Variants in ADAM12 observed in about 807,000 individuals in gnomAD.
The protein encoded by ADAM12 is ADAM metallopeptidase domain 12.
In ADAM12, 70 loss-of-function variants were observed where a neutral mutation model predicts 106.4. The observed-to-expected ratio is 0.66, with a 90% confidence interval of 0.54 to 0.80. ADAM12 has a LOEUF of 0.80. Ranked by LOEUF, ADAM12 falls within the 30% of genes least tolerant of loss-of-function variation. The pLI is 0.00. For missense variants in ADAM12, 1,010 were observed against 1,171.9 expected (o/e 0.86, Z 2.02); for synonymous variants, 420 against 433.5 (o/e 0.97, Z 0.39).
chr10:126,050,717 T>G (rs1954460440), intron 14 of ADAM12, among the ~76,000 whole-genome samples: 1 of 152,214 alleles, frequency 6.6e-6, no homozygotes, highest in Non-Finnish European at 1.5e-5. Flanking sequence ...TTCGTTAGCC[T>G]GCACCTGATC....
chr10:126,252,951 G>T (rs925383764), intron 3 of ADAM12, among the ~76,000 whole-genome samples: 5 of 152,058 alleles, frequency 3.3e-5, no homozygotes, highest in African/African-American at 4.8e-5. Flanking sequence ...CAACTTCATG[G>T]TCTTCTTTGG....
chr10:126,202,640 T>C (rs1957723979), intron 3 of ADAM12, among the ~76,000 whole-genome samples: 1 of 152,158 alleles, frequency 6.6e-6, no homozygotes, highest in African/African-American at 2.4e-5. Context: ...GAAAGTAAAA[T>C]TGCAGTTGAA....
intron 3 of ADAM12, among the ~76,000 whole-genome samples, chr10:126,255,567 G>A (rs1958874594): frequency 6.6e-6 from 1 of 152,196 alleles, no homozygotes; most frequent in Non-Finnish European, 1.5e-5. Context: ...AGGTTTCCAG[G>A]AAAACTGATT....
At chr10:126,215,968 G>T (rs1054658762) in intron 3 of ADAM12, among the ~76,000 whole-genome samples, 2 of 152,122 alleles carry the variant, frequency 1.3e-5, no homozygotes, top group Non-Finnish European at 2.9e-5. Flanking sequence ...CTGTATTATT[G>T]TCATAGCCAT....
chr10:126,312,302 G>C (rs566703248), intron 2 of ADAM12, among the ~76,000 whole-genome samples: 1 of 152,102 alleles, frequency 6.6e-6, no homozygotes, highest in African/African-American at 2.4e-5. Context: ...GAGGGAACCC[G>C]ACAGCGGGGC....
intron 14 of ADAM12, among the ~76,000 whole-genome samples, chr10:126,062,137 A>G (rs1209003287): frequency 6.6e-6 from 1 of 152,208 alleles, no homozygotes; most frequent in Non-Finnish European, 1.5e-5. Flanking sequence ...GGAAGTCACA[A>G]GCCCGAGGTG....
intron 1 of ADAM12, among the ~76,000 whole-genome samples, chr10:126,344,246 C>G (rs1855051383): frequency 6.6e-6 from 1 of 152,102 alleles, no homozygotes; most frequent in Admixed American, 6.6e-5. Flanking sequence ...ATATGGCTAG[C>G]CAGTTTTCCC....
intron 1 of ADAM12, among the ~76,000 whole-genome samples, chr10:126,381,190 A>G (rs1856478584): frequency 2.0e-5 from 3 of 152,254 alleles, no homozygotes; most frequent in Admixed American, 2.0e-4. Context: ...GGAAGGAGTT[A>G]GAAAGTGCCA....
intron 3 of ADAM12, 88 bp from the exon 4 acceptor site, chr10:126,155,393 A>T: frequency 5.2e-6 from 6 of 1,162,228 alleles, no homozygotes; most frequent in Non-Finnish European, 7.4e-6. Context: ...GGGTAGCAAG[A>T]TTGTGACCTC....
At chr10:126,385,594 G>A (rs1047924149) in intron 1 of ADAM12, among the ~76,000 whole-genome samples, 11 of 152,116 alleles carry the variant, frequency 7.2e-5, no homozygotes, top group Non-Finnish European at 1.5e-4. Context: ...GGGATGAAAT[G>A]CCATAAAACA....
intron 3 of ADAM12, among the ~76,000 whole-genome samples, chr10:126,252,241 T>A (rs1040477382): frequency 2.6e-5 from 2 of 77,796 alleles, no homozygotes; most frequent in East Asian, 7.1e-4. Flanking sequence ...GATGGATGGA[T>A]TGGACTGATG....
intron 2 of ADAM12, among the ~76,000 whole-genome samples, chr10:126,282,819 G>C (rs1959651646): frequency 6.6e-6 from 1 of 152,066 alleles, no homozygotes; most frequent in Non-Finnish European, 1.5e-5. Flanking sequence ...CAACATTTTT[G>C]CCACCAGTGG....
At chr10:126,292,226 C>T (rs1234933782) in intron 2 of ADAM12, among the ~76,000 whole-genome samples, 4 of 152,152 alleles carry the variant, frequency 2.6e-5, no homozygotes, top group African/African-American at 2.4e-5. Context: ...CCGACTCCCC[C>T]GAGTGCATTC....
chr10:126,091,021 A>C (rs1172275498), intron 11 of ADAM12: 1 of 152,226 alleles, frequency 6.6e-6, no homozygotes, highest in African/African-American at 2.4e-5. Context: ...GGAGGAAGAC[A>C]CAGGCTGGCT....
chr10:126,175,997 T>C (rs1172016006), intron 3 of ADAM12, among the ~76,000 whole-genome samples: 5 of 152,226 alleles, frequency 3.3e-5, no homozygotes, highest in Admixed American at 2.0e-4. Flanking sequence ...ACATTGTGTG[T>C]GTGCTAGCTC....
chr10:126,384,434 A>T (rs1856590912), intron 1 of ADAM12, among the ~76,000 whole-genome samples: 2 of 152,192 alleles, frequency 1.3e-5, no homozygotes, highest in Admixed American at 1.3e-4. Context: ...CAGTGCTCAG[A>T]ATACAGATGA....
intron 12 of ADAM12, chr10:126,070,678 C>T (rs1396968374): frequency 6.6e-6 from 1 of 152,170 alleles, no homozygotes. Context: ...TGCATAAACT[C>T]TCGGGGAGGG....
At chr10:126,083,303 C>T (rs1278346) in intron 11 of ADAM12, among the ~76,000 whole-genome samples, 88,697 of 152,086 alleles carry the variant, frequency 0.58, 26,078 homozygotes, top group East Asian at 0.69. Flanking sequence ...CCCTGCAGTT[C>T]CTGCGTGGAG....
At chr10:126,106,401 C>G (rs1330791130) in intron 8 of ADAM12, among the ~76,000 whole-genome samples, 1 of 151,960 alleles carries the variant, frequency 6.6e-6, no homozygotes, top group Admixed American at 6.6e-5. Flanking sequence ...CCCTTCGAGC[C>G]TCTCTCAATC....
Sources: allele counts gnomAD v4.1 joint callset (sites outside exome capture counted in the v4.1 genomes callset), GRCh38; gene constraint gnomAD v4.1.1; transcripts MANE v1.5; gene names NCBI Gene and HGNC (gene_info 2026-07-23, HGNC 2026-07-21).